REV3L: variants seen among roughly 807,000 people sequenced by gnomAD.
The protein encoded by REV3L is DNA polymerase zeta catalytic subunit.
Under a neutral mutation model 299.4 loss-of-function variants are expected in REV3L, and 69 were observed. The observed-to-expected ratio is 0.23, with a 90% CI of 0.19 to 0.28. The LOEUF is 0.28. Ranked by LOEUF, REV3L falls within the 10% of genes least tolerant of loss-of-function variation. The pLI is 1.00. For synonymous variants in REV3L, 1,238 were observed against 1,271.4 expected (o/e 0.97, Z 0.56); for missense variants, 3,128 against 3,693.8 (o/e 0.85, Z 3.97).
chr6:111,425,690 C>T (rs1422685418), intron 1 of REV3L, among the ~76,000 whole-genome samples: 2 of 151,880 alleles, frequency 1.3e-5, no homozygotes, highest in African/African-American at 4.8e-5. Flanking sequence ...TAAAAGCAGA[C>T]AACAGAAACT....
chr6:111,356,114 G>A (rs1778063197), intron 18 of REV3L, among the ~76,000 whole-genome samples: 1 of 152,060 alleles, frequency 6.6e-6, no homozygotes. Flanking sequence ...TACTGATTTA[G>A]TTTTTATAGG....
intron 1 of REV3L, chr6:111,431,858 T>C: frequency 4.3e-6 from 2 of 466,324 alleles, no homozygotes; most frequent in Non-Finnish European, 3.9e-6. Flanking sequence ...TTAGAATATG[T>C]TAAATATTTG....
intron 31 of REV3L, 57 bp downstream of exon 31, chr6:111,307,304 T>C: frequency 7.0e-7 from 1 of 1,438,358 alleles, no homozygotes; most frequent in South Asian, 1.1e-5. Flanking sequence ...AGAGTGACTA[T>C]ATCTTCCTGT....
intron 1 of REV3L, among the ~76,000 whole-genome samples, chr6:111,445,843 C>CA (rs889218119): frequency 3.0e-4 from 46 of 151,670 alleles, no homozygotes; most frequent in Middle Eastern, 6.8e-3. Context: ...GTAAAGCAGA[C>CA]AAAAAAACAG....
intron 9 of REV3L, among the ~76,000 whole-genome samples, chr6:111,382,726 T>C (rs1018892701): frequency 6.6e-6 from 1 of 152,164 alleles, no homozygotes; most frequent in African/African-American, 2.4e-5. Context: ...CCAGTAGACT[T>C]GGGGTACACG....
At chr6:111,414,469 T>C (rs1784561522) in intron 2 of REV3L, among the ~76,000 whole-genome samples, 1 of 152,120 alleles carries the variant, frequency 6.6e-6, no homozygotes, top group Admixed American at 6.6e-5. Context: ...TGTATTCTAT[T>C]AACAATATGA....
chr6:111,460,997 ATTATG>A (rs1400288505), intron 1 of REV3L, among the ~76,000 whole-genome samples: 1 of 152,280 alleles, frequency 6.6e-6, no homozygotes, highest in Admixed American at 6.5e-5. Flanking sequence ...AGCATATACA[ATTATG>A]TTAAGTACAT....
At chr6:111,441,029 C>T (rs998176180) in intron 1 of REV3L, among the ~76,000 whole-genome samples, 1 of 152,090 alleles carries the variant, frequency 6.6e-6, no homozygotes, top group African/African-American at 2.4e-5. Context: ...AAAATTTTCT[C>T]TTTATCTTTG....
intron 1 of REV3L, among the ~76,000 whole-genome samples, chr6:111,441,509 C>T (rs1375751667): frequency 1.3e-5 from 2 of 152,200 alleles, no homozygotes; most frequent in Non-Finnish European, 2.9e-5. Context: ...ACCTCGCTTC[C>T]CAAAGTGCTG....
At position 111,315,394 on chromosome 6, in the gene REV3L, A is replaced by T. The variant is rs779760018; in HGVS notation, c.8352-13T>A. The T allele has an allele frequency of 1.9e-6, 3 of 1,601,370 alleles. No homozygotes were observed. In the South Asian group the frequency reaches 3.3e-5, roughly 18 times the overall value. ...TAGCACAAACATACTAAGGGGATTA[A>T]AAATAAAGTAAGGTAATGAGGAAGT... On this transcript the variant is annotated splice_polypyrimidine_tract_variant and intron_variant, in intron 26 of 31. Coordinates refer to ENST00000368802, the MANE Select transcript of REV3L (RefSeq NM_001372078.1).
At chr6:111,301,566 A>C (rs1378612057) in intron 31 of REV3L, among the ~76,000 whole-genome samples, 1 of 152,166 alleles carries the variant, frequency 6.6e-6, no homozygotes, top group Non-Finnish European at 1.5e-5. Context: ...AGTGGTTCTT[A>C]ACCCTGGCTA....
At chr6:111,362,332 AT>A (rs1306603604) in intron 16 of REV3L, among the ~76,000 whole-genome samples, 1 of 152,110 alleles carries the variant, frequency 6.6e-6, no homozygotes, top group African/African-American at 2.4e-5. Flanking sequence ...CAATATTAAA[AT>A]TTTTCCCTCA....
Position 111,367,709 on chromosome 6 carries a change from G to T in REV3L, c.6079C>A (p.Pro2027Thr), listed in dbSNP as rs1314572474. ...TCAGCAGATTTTACAACTCCAGTTG[G>T]CTTGGTTTTAGGCAGTTTCTTGGAA... ...ERSKKLPKTK[P>T]TGVVKSAENF... Residue 2027 changes from proline to threonine, a missense_variant, in exon 14 of 32, where the codon CCA (proline) becomes ACA (threonine). Transcript: ENST00000368802. 1 of 1,614,032 alleles carries T rather than the reference G, an allele frequency of 6.2e-7. No individual in the cohort carries two copies. The highest frequency in any genetic ancestry group is 1.3e-5 in the African/African-American group (1 of 74,918).
rs1295286557 is a variant in REV3L at position 111,329,758 on chromosome 6, T to C, written c.8035-20A>G. On this transcript the variant is annotated intron_variant, in intron 24 of 31. Coordinates refer to ENST00000368802, the MANE Select transcript of REV3L (RefSeq NM_001372078.1). The stretch of plus-strand genomic sequence containing the variant: ...TGAAGGCTATCATAAAGAAAAAAAA[T>C]GTTTAAAACCCCTCAAACATTATAG... 1 of 1,560,184 alleles carries C rather than the reference T, an allele frequency of 6.4e-7. No homozygotes were observed. Among genetic ancestry groups the C allele is most frequent in the South Asian group, 1.1e-5 (1 of 89,700 alleles).
chr6:111,327,375 C>T (rs1774943049), intron 25 of REV3L, among the ~76,000 whole-genome samples: 1 of 151,844 alleles, frequency 6.6e-6, no homozygotes. Context: ...GGCAGCAGGG[C>T]GAAACCCCAT....
chr6:111,389,032 A>G (rs1781632642), intron 7 of REV3L, 74 bp downstream of exon 7: 1 of 1,113,258 alleles, frequency 9.0e-7, no homozygotes, highest in Admixed American at 1.9e-5. Flanking sequence ...ATGTCAAAGG[A>G]ACAACTCAAT....
At chr6:111,314,600 C>T (rs1237762055) in intron 27 of REV3L, among the ~76,000 whole-genome samples, 1 of 152,100 alleles carries the variant, frequency 6.6e-6, no homozygotes, top group Non-Finnish European at 1.5e-5. Context: ...ACCCCTAACC[C>T]CTAACAGTCT....
rs556694612 is a variant in REV3L, at chr6:111,375,604, G to A, written c.2751C>T (p.Tyr917=). 37 of 1,613,758 alleles carry A rather than the reference G, an allele frequency of 2.3e-5. No homozygotes were observed. In the East Asian group the frequency reaches 7.8e-4, roughly 34 times the overall value. Residue 917 remains tyrosine, a synonymous_variant, in exon 13 of 32, where the codon TAC becomes TAT. Coordinates refer to ENST00000368802, the MANE Select transcript of REV3L (RefSeq NM_001372078.1). ...EQSFGLYGNK[Y]TLRAKRKVNY... is the part of the protein sequence containing the mutation. ...TTACCTTGCGTTTGGCTCTAAGTGT[G>A]TATTTATTTCCATATAGTCCAAAGG...
rs565415842 is a variant in REV3L, at chr6:111,344,045, TA to T, written c.7420-3del. ...AAAGGTGTAGTTAGTTAGAGCCACC[TA>T]AAAAAAAAGGCAAGACACCATTATA... On this transcript the variant is annotated splice_polypyrimidine_tract_variant and splice_region_variant and intron_variant, in intron 20 of 31. Transcript: ENST00000368802. 916 of 1,541,032 alleles carry T rather than the reference TA, an allele frequency of 5.9e-4. No individual in the cohort carries two copies. The highest frequency in any genetic ancestry group is 1.9e-3 in the Admixed American group (97 of 51,896).
Sources: gnomAD v4.1 joint callset for allele counts (sites outside exome capture counted in the v4.1 genomes callset) on GRCh38, gnomAD v4.1.1 for gene constraint, MANE v1.5 for transcripts, NCBI Gene and HGNC (gene_info 2026-07-23, HGNC 2026-07-21) for gene names.